The following CNGA3 variants were observed in gnomAD, a reference collection of about 807,000 sequenced individuals.
CNGA3 encodes the protein cyclic nucleotide gated channel subunit alpha 3, also known as cyclic nucleotide-gated channel alpha-3.
A neutral mutation model predicts 46.6 loss-of-function variants in CNGA3; 42 were observed. That is an observed-to-expected ratio of 0.90 (90% CI 0.70 to 1.17). The LOEUF (loss-of-function observed/expected upper bound fraction) is 1.17. Among genes scored for constraint, CNGA3 ranks in the 50% most tolerant of loss-of-function variants. The probability of loss-of-function intolerance (pLI) is 0.00; values close to 1 mark genes in which losing one functional copy is unlikely to be tolerated. For synonymous variants in CNGA3, 394 were observed against 369.4 expected (o/e 1.07, Z -0.76); for missense variants, 893 against 890.7 (o/e 1.00, Z -0.03).
intron 4 of CNGA3, 117 bp downstream of exon 4, chr2:98,380,471 G>A (rs1289737939): frequency 8.6e-6 from 11 of 1,284,142 alleles, no homozygotes; most frequent in Non-Finnish European, 1.1e-5. Flanking sequence ...TCATCCCCAT[G>A]AGCTGTTCCT....
intron 2 of CNGA3, among the ~76,000 whole-genome samples, chr2:98,375,494 G>A (rs1270017703): frequency 6.6e-6 from 1 of 152,224 alleles, no homozygotes; most frequent in Non-Finnish European, 1.5e-5. Flanking sequence ...TAGGTGCATT[G>A]GAACATGCAT....
intron 1 of CNGA3, among the ~76,000 whole-genome samples, chr2:98,367,176 C>CTTTTTTT (rs1182363811): frequency 2.0e-4 from 23 of 115,508 alleles, no homozygotes; most frequent in Admixed American, 9.0e-4. Flanking sequence ...TGTTTTTTTT[C>CTTTTTTT]TTTTTTTTCT....
chr2:98,354,344 A>T (rs893657943), intron 1 of CNGA3, among the ~76,000 whole-genome samples: 1 of 152,150 alleles, frequency 6.6e-6, no homozygotes, highest in Non-Finnish European at 1.5e-5. Flanking sequence ...GTATTTCCTC[A>T]TGACTAAATA....
In CNGA3 at chr2:98,383,407, T is replaced by C; in HGVS notation, c.415T>C (p.Cys139Arg). 1 of 1,614,142 alleles carries C rather than the reference T, an allele frequency of 6.2e-7. No homozygotes were observed. The highest frequency in any genetic ancestry group is 1.1e-5 in the South Asian group (1 of 91,084). The change falls in exon 5 of 8, where the codon TGC (cysteine) becomes CGC (arginine). Residue 139 changes from cysteine (C) to arginine (R), a missense_variant. Physicochemically the swap from Cys to Arg is radical, Grantham distance 180. Transcript: ENST00000272602. Reference protein sequence around the residue: ...RGRSAWPLAKCNTNTSNNTEE... With the variant: ...RGRSAWPLAKRNTNTSNNTEE... ...CCGCAGCGCCTGGCCCCTGGCCAAA[T>C]GCAACACTAACACCAGCAACAACAC...
chr2:98,378,023 G>C (rs1692448382), intron 3 of CNGA3: 1 of 1,544,026 alleles, frequency 6.5e-7, no homozygotes, highest in African/African-American at 1.4e-5. Flanking sequence ...ATCTGAAATT[G>C]CTTAATAAAA....
intron 7 of CNGA3, 118 bp downstream of exon 7, chr2:98,392,088 G>T (rs887049504): frequency 9.2e-6 from 8 of 872,698 alleles, no homozygotes; most frequent in Non-Finnish European, 1.5e-5. Context: ...GGCAGGTCTG[G>T]GGACCTCCGA....
At chr2:98,379,031 C>T (rs151208119) in intron 3 of CNGA3, among the ~76,000 whole-genome samples, 16 of 152,352 alleles carry the variant, frequency 1.1e-4, no homozygotes, top group East Asian at 3.9e-4. Flanking sequence ...GCTCTCTGTG[C>T]GTCAGTTGTC....
At chr2:98,357,267 A>G (rs955741629) in intron 1 of CNGA3, among the ~76,000 whole-genome samples, 1 of 152,228 alleles carries the variant, frequency 6.6e-6, no homozygotes, top group Non-Finnish European at 1.5e-5. Flanking sequence ...CAGTGGAGAG[A>G]GCCCAGGATG....
intron 1 of CNGA3, among the ~76,000 whole-genome samples, chr2:98,367,180 T>C (rs1241913461): frequency 2.4e-5 from 3 of 127,534 alleles, no homozygotes; most frequent in African/African-American, 8.5e-5. Context: ...TTTTTTCTTT[T>C]TTTTCTTTTT....
intron 2 of CNGA3, among the ~76,000 whole-genome samples, chr2:98,373,816 C>T (rs561337276): frequency 5.3e-5 from 8 of 152,278 alleles, no homozygotes; most frequent in South Asian, 4.1e-4. Flanking sequence ...CATCTCCTGG[C>T]GTAGCAATTT....
At chr2:98,355,579 T>A (rs1486500019) in intron 1 of CNGA3, among the ~76,000 whole-genome samples, 4 of 152,214 alleles carry the variant, frequency 2.6e-5, no homozygotes, top group African/African-American at 7.2e-5. Flanking sequence ...TAAATATTTT[T>A]AAAACTCTTA....
chr2:98,379,238 G>C (rs1692483143), intron 3 of CNGA3, among the ~76,000 whole-genome samples: 1 of 152,262 alleles, frequency 6.6e-6, no homozygotes, highest in Admixed American at 6.5e-5. Flanking sequence ...ATTGCCTTAG[G>C]CTAAGGTCAT....
At chr2:98,373,932 T>G (rs939098463) in intron 2 of CNGA3, among the ~76,000 whole-genome samples, 4 of 152,220 alleles carry the variant, frequency 2.6e-5, no homozygotes, top group African/African-American at 9.6e-5. Flanking sequence ...AAAACCATTT[T>G]CATCCCACTT....
At chr2:98,349,414 G>C (rs1385242652) in intron 1 of CNGA3, among the ~76,000 whole-genome samples, 1 of 152,190 alleles carries the variant, frequency 6.6e-6, no homozygotes, top group South Asian at 2.1e-4. Context: ...GAGAAAATAG[G>C]CACCTCTAAA....
rs1278129601 is a variant in CNGA3, at chr2:98,369,993, C to T, written c.18C>T (p.Thr6=). MAKIN[T]QYSHPSRTHL... is the part of the protein sequence containing the mutation. ...CCGAGAAGATGGCCAAGATCAACACCCAATACTCCCACCCCTCCAGGACCC... is the reference window on the plus strand; with the variant it reads ...CCGAGAAGATGGCCAAGATCAACACTCAATACTCCCACCCCTCCAGGACCC... Residue 6 remains threonine (T), a synonymous_variant, in exon 2 of 8, where the codon ACC becomes ACT. Transcript: ENST00000272602. 5.0e-6 allele frequency: 8 copies of T among 1,613,898 alleles called. No individual in the cohort carries two copies. Among genetic ancestry groups the T allele is most frequent in the Non-Finnish European group, 5.9e-6 (7 of 1,179,920 alleles).
At chr2:98,360,892 A>C (rs999155231) in intron 1 of CNGA3, among the ~76,000 whole-genome samples, 1 of 152,240 alleles carries the variant, frequency 6.6e-6, no homozygotes, top group Non-Finnish European at 1.5e-5. Flanking sequence ...TAGAATAAAC[A>C]ATGATGTAAA....
chr2:98,369,840 T>A (rs1692243762), intron 1 of CNGA3, 99 bp from the exon 2 acceptor site: 5 of 731,916 alleles, frequency 6.8e-6, no homozygotes, highest in Non-Finnish European at 1.2e-5. Flanking sequence ...TGCCAGGGCT[T>A]GCAGGGGGGC....
At position 98,391,955 on chromosome 2, in the gene CNGA3, G is replaced by T. The variant is rs772982333; in HGVS notation, c.658G>T (p.Val220Leu). ...ADVLYVLDVL[V>L]RARTGFLEQG... ...TGTCCTGTATGTCTTGGATGTGCTT[G>T]TACGAGCTCGGACAGGTGAGTGTGC... Residue 220 changes from valine to leucine, a missense_variant, in exon 7 of 8, where the codon GTA (valine) becomes TTA (leucine). Val to Leu is a conservative substitution (Grantham distance 32). Around this residue, in one of 3 missense-constraint regions of CNGA3, gnomAD observed 333 missense variants for 290.8 expected, o/e 1.15. Transcript: ENST00000272602. 1 of 1,613,994 alleles carries T rather than the reference G, an allele frequency of 6.2e-7. No individual in the cohort carries two copies.
chr2:98,388,979 G>A (rs905709337), intron 5 of CNGA3, among the ~76,000 whole-genome samples: 3 of 152,268 alleles, frequency 2.0e-5, no homozygotes, highest in South Asian at 2.1e-4. Context: ...AGTACAGCCT[G>A]TAAACTTGAA....
Sources: allele counts gnomAD v4.1 joint callset (sites outside exome capture counted in the v4.1 genomes callset), GRCh38; gene constraint gnomAD v4.1.1; regional missense constraint gnomAD v4.1.1; transcripts MANE v1.5; gene names NCBI Gene and HGNC (gene_info 2026-07-23, HGNC 2026-07-21).